Variants in DOCK9 observed in about 807,000 individuals in gnomAD.
The protein encoded by DOCK9 is dedicator of cytokinesis protein 9.
DOCK9 carries 89 observed loss-of-function variants against 263.3 expected under a neutral mutation model. That is an observed-to-expected ratio of 0.34 (90% CI 0.28 to 0.40). The LOEUF (loss-of-function observed/expected upper bound fraction) is 0.40, where lower values mean the gene tolerates loss of function less well. DOCK9 is among the 10% of genes least tolerant of loss of function. DOCK9 has a pLI of 1.00. For missense variants in DOCK9, 2,140 were observed against 2,603.4 expected (o/e 0.82, Z 3.87); for synonymous variants, 976 against 973.1 (o/e 1.00, Z -0.06).
intron 1 of DOCK9, among the ~76,000 whole-genome samples, chr13:99,055,662 T>C (rs2040884906): frequency 1.3e-5 from 2 of 152,136 alleles, no homozygotes; most frequent in East Asian, 1.9e-4. Flanking sequence ...CTCAATTACA[T>C]TGATAATATT....
chr13:98,893,709 G>A (rs1024180771), intron 15 of DOCK9, among the ~76,000 whole-genome samples: 2 of 152,190 alleles, frequency 1.3e-5, no homozygotes, highest in African/African-American at 4.8e-5. Context: ...CCAGGCCACT[G>A]ACATGAGATT....
intron 1 of DOCK9, among the ~76,000 whole-genome samples, chr13:98,974,041 G>T (rs1016949409): frequency 6.6e-6 from 1 of 152,142 alleles, no homozygotes; most frequent in African/African-American, 2.4e-5. Context: ...CAATGAAAGG[G>T]CTGCATAAAT....
intron 7 of DOCK9, among the ~76,000 whole-genome samples, chr13:98,915,732 T>C (rs1360895393): frequency 6.6e-6 from 1 of 151,222 alleles, no homozygotes; most frequent in African/African-American, 2.4e-5. Context: ...CATTACCTGC[T>C]TTACATACTC....
rs1490014100 is a variant in DOCK9, at chr13:98,812,298, G to A, written c.5131-2007C>T. The stretch of plus-strand genomic sequence containing the variant: ...AAATTACATGACACGGAGAAAATGC[G>A]CCTCTTGCTCCTTGAAGAGCTTACA... On this transcript the variant is annotated intron_variant, in intron 45 of 52. Coordinates refer to ENST00000682017, the MANE Select transcript of DOCK9 (RefSeq NM_001366683.2). Among the ~76,000 whole-genome samples, 5 of 150,454 alleles carry A rather than the reference G, an allele frequency of 3.3e-5. No individual in the cohort carries two copies. In the South Asian group the frequency reaches 6.4e-4, roughly 19 times the overall value.
intron 30 of DOCK9, among the ~76,000 whole-genome samples, chr13:98,866,533 C>G (rs548022482): frequency 1.3e-5 from 2 of 152,292 alleles, no homozygotes; most frequent in East Asian, 3.9e-4. Context: ...TACCTGAGTA[C>G]ATACAAGGAA....
rs182015443 is a variant in DOCK9, at chr13:98,963,621, T to C, written c.127-8070A>G. 7.2e-5 allele frequency among the ~76,000 whole-genome samples: 11 copies of C among 152,354 alleles called. No individual in the cohort carries two copies. The East Asian group carries it at 2.1e-3, about 29-fold the overall frequency. On this transcript the variant is annotated intron_variant, in intron 1 of 52. Transcript: ENST00000682017. ...TTGAAATAGCAAACTAAATGGCAAC[T>C]CTTGGAGCTATTTTAAGAAATGAGA... is the stretch of plus-strand genomic sequence containing the variant.
intron 48 of DOCK9, among the ~76,000 whole-genome samples, chr13:98,806,540 C>T (rs9554528): frequency 0.18 from 27,965 of 151,934 alleles, 3,510 homozygotes; most frequent in East Asian, 0.43. Flanking sequence ...AAAACAGAGA[C>T]GATTGTGAAG....
chr13:98,886,317 T>C (rs113353319), intron 19 of DOCK9, among the ~76,000 whole-genome samples: 29 of 152,352 alleles, frequency 1.9e-4, no homozygotes, highest in African/African-American at 7.0e-4. Context: ...TTCTTTTCTG[T>C]ATTATCTGCA....
chr13:98,902,254 T>C (rs1256968779), intron 12 of DOCK9, 34 bp downstream of exon 12: 1 of 1,606,980 alleles, frequency 6.2e-7, no homozygotes. Context: ...AAAGTGAGTC[T>C]GAGTAGTGGG....
intron 2 of DOCK9, among the ~76,000 whole-genome samples, chr13:98,944,360 C>T (rs1274770455): frequency 8.1e-6 from 1 of 123,496 alleles, no homozygotes; most frequent in African/African-American, 3.1e-5. Context: ...GCAAAAATCA[C>T]GTCACAGTGT....
At chr13:98,947,602 C>T (rs1422667487) in intron 2 of DOCK9, among the ~76,000 whole-genome samples, 9 of 151,278 alleles carry the variant, frequency 5.9e-5, no homozygotes, top group Admixed American at 2.0e-4. Flanking sequence ...CTCCGCCTCC[C>T]GGGTTCAAGT....
intron 15 of DOCK9, among the ~76,000 whole-genome samples, chr13:98,896,118 C>A (rs1335396400): frequency 6.6e-6 from 1 of 152,240 alleles, no homozygotes; most frequent in African/African-American, 2.4e-5. Flanking sequence ...ACCTTAGCTG[C>A]ATGTTAGCAA....
At chr13:98,953,612 A>G (rs2057693739) in intron 2 of DOCK9, among the ~76,000 whole-genome samples, 5 of 152,258 alleles carry the variant, frequency 3.3e-5, no homozygotes. Flanking sequence ...TCATGTTGAG[A>G]GAAATTTGAG....
intron 1 of DOCK9, among the ~76,000 whole-genome samples, chr13:99,066,084 G>A (rs992783663): frequency 6.6e-6 from 1 of 152,098 alleles, no homozygotes; most frequent in Admixed American, 6.5e-5. Flanking sequence ...AATGGCATAA[G>A]TAAAAAAGAT....
intron 2 of DOCK9, among the ~76,000 whole-genome samples, chr13:98,932,693 G>A (rs1018856494): frequency 6.6e-6 from 1 of 152,096 alleles, no homozygotes; most frequent in Non-Finnish European, 1.5e-5. Flanking sequence ...TGTTGTGTCT[G>A]CTTCACCTAT....
At chr13:98,801,598 C>T (rs2090115606) in intron 49 of DOCK9, among the ~76,000 whole-genome samples, 4 of 152,282 alleles carry the variant, frequency 2.6e-5, no homozygotes, top group Middle Eastern at 6.8e-3. Flanking sequence ...TACTATTTCA[C>T]ATTTCTTATT....
upstream of DOCK9, chr13:99,088,419 T>A (rs1424429788): frequency 6.6e-6 from 1 of 152,138 alleles, no homozygotes; most frequent in African/African-American, 2.4e-5. Context: ...TGCAGGAGTG[T>A]GGCCGTTCAG....
intron 5 of DOCK9, 58 bp downstream of exon 5, chr13:98,923,244 T>C: frequency 6.6e-7 from 1 of 1,519,228 alleles, no homozygotes; most frequent in Non-Finnish European, 9.1e-7. Flanking sequence ...TCTAAGTCTG[T>C]AAAATTGATG....
chr13:98,945,411 A>G (rs1036726875), intron 2 of DOCK9, among the ~76,000 whole-genome samples: 4 of 152,188 alleles, frequency 2.6e-5, no homozygotes, highest in African/African-American at 7.2e-5. Context: ...AGACACTGAC[A>G]TGTCCCTTCC....
Sources: gnomAD v4.1 joint callset for allele counts (sites outside exome capture counted in the v4.1 genomes callset) on GRCh38, gnomAD v4.1.1 for gene constraint, MANE v1.5 for transcripts, NCBI Gene and HGNC (gene_info 2026-07-23, HGNC 2026-07-21) for gene names.